KDM5A: variants seen among roughly 807,000 people sequenced by gnomAD.
The protein encoded by KDM5A is lysine-specific demethylase 5A.
Under a neutral mutation model 193.5 loss-of-function variants are expected in KDM5A, and 42 were observed. That is an observed-to-expected ratio of 0.22 (90% CI 0.17 to 0.28). The LOEUF (loss-of-function observed/expected upper bound fraction) is 0.28, where lower values mean the gene tolerates loss of function less well. Among genes scored for constraint, KDM5A ranks in the 10% least tolerant of loss-of-function variants. The pLI, the probability that KDM5A is intolerant of heterozygous loss-of-function variation, is 1.00. For missense variants in KDM5A, 1,692 were observed against 2,055.1 expected, an observed-to-expected ratio of 0.82 and a Z score of 3.42; for synonymous variants, 796 against 718.1, an observed-to-expected ratio of 1.11 and a Z score of -1.73.
At chr12:388,757 T>C (rs751595736) in intron 1 of KDM5A, among the ~76,000 whole-genome samples, 170 bp downstream of exon 1, 24 of 152,178 alleles carry the variant, frequency 1.6e-4, no homozygotes, top group Non-Finnish European at 3.4e-4. Flanking sequence ...CAGACGTGTC[T>C]ACATAAGACC....
intron 14 of KDM5A, among the ~76,000 whole-genome samples, chr12:327,563 G>A (rs1031339424): frequency 3.3e-5 from 5 of 151,932 alleles, no homozygotes; most frequent in African/African-American, 1.2e-4. Flanking sequence ...TACAAAACTG[G>A]CTGGTCAAGG....
chr12:329,056 A>G, intron 13 of KDM5A, 27 bp from the exon 14 acceptor site: 1 of 1,600,244 alleles, frequency 6.2e-7, no homozygotes, highest in Non-Finnish European at 8.6e-7. Flanking sequence ...CAAATTAAAT[A>G]ACTCGCTTAT....
chr12:297,470 C>T (rs139559074), intron 24 of KDM5A, among the ~76,000 whole-genome samples: 3 of 152,258 alleles, frequency 2.0e-5, no homozygotes, highest in Admixed American at 6.5e-5. Flanking sequence ...CAGTAAATAA[C>T]TGGAGAAACT....
chr12:334,529 T>A (rs1025534735), intron 10 of KDM5A, 107 bp from the exon 11 acceptor site: 2 of 785,170 alleles, frequency 2.5e-6, no homozygotes, highest in Non-Finnish European at 4.3e-6. Flanking sequence ...TTTATAATAG[T>A]CTAGTGCATA....
intron 10 of KDM5A, among the ~76,000 whole-genome samples, chr12:348,758 T>A (rs1350505185): frequency 6.6e-6 from 1 of 151,282 alleles, no homozygotes; most frequent in Non-Finnish European, 1.5e-5. Context: ...CTGGGGCCTG[T>A]CAGGGGGTGG....
Position 365,399 on chromosome 12 carries a change from G to A in KDM5A, c.537+535C>T, listed in dbSNP as rs142460783. 1.4e-4 allele frequency among the ~76,000 whole-genome samples: 21 copies of A among 152,258 alleles called. No homozygotes were observed. The East Asian group carries it at 3.7e-3, about 27-fold the overall frequency. On this transcript the variant is annotated intron_variant, in intron 4 of 27. Coordinates refer to ENST00000399788, the MANE Select transcript of KDM5A (RefSeq NM_001042603.3). ...ACATTAGGCTAAGTGAAAAAAGCCA[G>A]ACACAAAATCATATTGTATGATTAC... is the stretch of plus-strand genomic sequence containing the variant.
At chr12:364,997 A>G (rs1944338716) in intron 4 of KDM5A, among the ~76,000 whole-genome samples, 1 of 152,176 alleles carries the variant, frequency 6.6e-6, no homozygotes, top group South Asian at 2.1e-4. Flanking sequence ...TGGTATATCC[A>G]TTCAATGGAA....
At chr12:323,012 A>G in intron 16 of KDM5A, 70 bp downstream of exon 16, 1 of 1,601,940 alleles carries the variant, frequency 6.2e-7, no homozygotes, top group Non-Finnish European at 8.5e-7. Flanking sequence ...AAAAAACATA[A>G]AACTAAAACA....
At chr12:306,459 C>A (rs1348511128) in intron 24 of KDM5A, among the ~76,000 whole-genome samples, 2 of 152,056 alleles carry the variant, frequency 1.3e-5, no homozygotes, top group African/African-American at 4.8e-5. Context: ...AAAATTGTTT[C>A]AGGCCTGGCG....
intron 20 of KDM5A, among the ~76,000 whole-genome samples, chr12:311,803 A>G (rs1339596961): frequency 6.6e-6 from 1 of 151,602 alleles, no homozygotes; most frequent in Non-Finnish European, 1.5e-5. Flanking sequence ...GAAGGCCAAG[A>G]CAGGCGGATC....
In KDM5A at chr12:284,495, A is replaced by AAAGCTGTT. The variant is rs1191330468; in HGVS notation, c.*953_*960dup. The stretch of plus-strand genomic sequence containing the variant: ...CATTGGGGTCAGGGCTGCAAGGCAA[A>AAAGCTGTT]AAGCTGTTATTTGCTGGTCTTGCTC... On this transcript the variant is annotated 3_prime_UTR_variant, in exon 28 of 28. Transcript: ENST00000399788. 8.6e-6 allele frequency: 2 copies of AAAGCTGTT among 232,646 alleles called. No homozygotes were observed. Among genetic ancestry groups the AAAGCTGTT allele is most frequent in the Non-Finnish European group, 1.7e-5 (2 of 117,498 alleles). 14.4% of individuals were successfully genotyped at this position (232,646 alleles called of 1,614,324 possible). A position where few individuals can be genotyped will look rare whatever the true frequency, so the allele number is the denominator to read the frequency against.
chr12:339,307 G>A (rs1160788292), intron 10 of KDM5A, among the ~76,000 whole-genome samples: 5 of 152,064 alleles, frequency 3.3e-5, no homozygotes, highest in Admixed American at 3.3e-4. Flanking sequence ...TATTTTACCA[G>A]AGTAACTTTC....
chr12:360,188 C>T (rs749833642), intron 5 of KDM5A, among the ~76,000 whole-genome samples: 3 of 151,234 alleles, frequency 2.0e-5, no homozygotes, highest in African/African-American at 4.9e-5. Context: ...GAAGGAGAAT[C>T]GTTTGAACCC....
chr12:318,009 A>G (rs1447759636), intron 19 of KDM5A, 97 bp downstream of exon 19: 1 of 962,928 alleles, frequency 1.0e-6, no homozygotes, highest in African/African-American at 1.6e-5. Flanking sequence ...CAAAAAAAAA[A>G]AAAGTCATTT....
rs1306512293 is a variant in KDM5A at position 293,279 on chromosome 12, G to C, written c.4456-110C>G. 2.2e-5 allele frequency: 20 copies of C among 924,284 alleles called. No homozygotes were observed. In the South Asian group the frequency reaches 3.2e-4, roughly 15 times the overall value. 57.3% of individuals were successfully genotyped at this position (924,284 alleles called of 1,614,324 possible). A position where few individuals can be genotyped will look rare whatever the true frequency, so the allele number is the denominator to read the frequency against. Reference sequence around the variant, plus strand: ...GACACATTCGGAGAGACAGAAAGTCGAACAGAGGTTACCAGAGGCTGAAGG... The same window carrying C: ...GACACATTCGGAGAGACAGAAAGTCCAACAGAGGTTACCAGAGGCTGAAGG... On this transcript the variant is annotated intron_variant, in intron 26 of 27. Coordinates refer to ENST00000399788, the MANE Select transcript of KDM5A (RefSeq NM_001042603.3).
chr12:343,076 T>A (rs1195570668), intron 10 of KDM5A, among the ~76,000 whole-genome samples: 1 of 152,194 alleles, frequency 6.6e-6, no homozygotes. Context: ...GCCCAAATAC[T>A]GCAATTTTCC....
intron 3 of KDM5A, among the ~76,000 whole-genome samples, chr12:374,758 G>A (rs1203316404): frequency 1.3e-5 from 2 of 152,138 alleles, no homozygotes; most frequent in African/African-American, 4.8e-5. Flanking sequence ...AGCTCTTGTA[G>A]GGCAGGCCTG....
chr12:326,917 T>C (rs955417279), intron 14 of KDM5A, among the ~76,000 whole-genome samples: 2 of 123,378 alleles, frequency 1.6e-5, no homozygotes, highest in African/African-American at 3.0e-5. Flanking sequence ...GATTTTGAAA[T>C]ACAGTGTGTC....
chr12:369,501 T>C (rs906140628), intron 3 of KDM5A, among the ~76,000 whole-genome samples: 4 of 152,116 alleles, frequency 2.6e-5, no homozygotes, highest in Non-Finnish European at 5.9e-5. Flanking sequence ...GGATAAATAT[T>C]GTAGAAGAAA....
Sources: gnomAD v4.1 joint callset for allele counts (sites outside exome capture counted in the v4.1 genomes callset) on GRCh38, gnomAD v4.1.1 for gene constraint, MANE v1.5 for transcripts, NCBI Gene and HGNC (gene_info 2026-07-23, HGNC 2026-07-21) for gene names.